The following SHANK2 variants were observed in gnomAD, a reference collection of about 807,000 sequenced individuals.
SHANK2 encodes SH3 and multiple ankyrin repeat domains protein 2.
A neutral mutation model predicts 133.7 loss-of-function variants in SHANK2; 43 were observed. The ratio of observed to expected loss-of-function variants is 0.32; its 90% CI spans 0.25 to 0.41. The LOEUF is 0.41. Ranked by LOEUF, SHANK2 falls within the 10% of genes least tolerant of loss-of-function variation. The pLI is 1.00. For missense variants in SHANK2, 1,994 were observed against 2,235.8 expected (o/e 0.89, Z 2.18); for synonymous variants, 1,017 against 952.8 (o/e 1.07, Z -1.24).
Position 70,707,372 on chromosome 11 carries a change from C to CAA in SHANK2, c.1778-8611_1778-8610dup, listed in dbSNP as rs1172194976. On this transcript the variant is annotated intron_variant, in intron 14 of 25. Transcript: ENST00000601538. ...GGGCGACAGAGTGAAAACTCCATCTCAAAAAAAAAAAAAAAAAAAAAAAAA... is the reference window on the plus strand; with the variant it reads ...GGGCGACAGAGTGAAAACTCCATCTCAAAAAAAAAAAAAAAAAAAAAAAAAAA... 5.0e-3 allele frequency among the ~76,000 whole-genome samples: 287 copies of CAA among 57,248 alleles called. 2 individuals are homozygous for CAA. Among genetic ancestry groups the CAA allele is most frequent in the Middle Eastern group, 0.014 (1 of 74 alleles). 37.6% of individuals were successfully genotyped at this position (57,248 alleles called of 152,430 possible).
intron 1 of SHANK2, among the ~76,000 whole-genome samples, chr11:71,236,867 C>T (rs187312882): frequency 7.9e-5 from 12 of 152,286 alleles, no homozygotes; most frequent in African/African-American, 2.4e-4. Flanking sequence ...CATCTCAAAA[C>T]AAACAAATAA....
At chr11:70,769,955 C>T (rs1555042315) in intron 14 of SHANK2, among the ~76,000 whole-genome samples, 1 of 152,176 alleles carries the variant, frequency 6.6e-6, no homozygotes, top group Admixed American at 6.5e-5. Context: ...GGGTGGGCAT[C>T]CATCATCTTC....
chr11:70,849,262 A>G (rs1949047610), intron 11 of SHANK2, among the ~76,000 whole-genome samples: 1 of 152,208 alleles, frequency 6.6e-6, no homozygotes, highest in African/African-American at 2.4e-5. Context: ...CCTGGGCAAC[A>G]CAGTGAGACC....
intron 8 of SHANK2, among the ~76,000 whole-genome samples, chr11:71,085,794 G>T (rs1386277409): frequency 0.98 from 31,838 of 32,498 alleles, 15,589 homozygotes; most frequent in Middle Eastern, 1. Flanking sequence ...TATAATATAT[G>T]ATACAACATA....
At chr11:70,870,237 T>G (rs551559115) in intron 11 of SHANK2, among the ~76,000 whole-genome samples, 1 of 152,100 alleles carries the variant, frequency 6.6e-6, no homozygotes, top group South Asian at 2.1e-4. Flanking sequence ...CTGAGAGAAA[T>G]GAACCCGGGG....
chr11:70,683,322 C>G (rs1407278934), intron 15 of SHANK2, among the ~76,000 whole-genome samples: 6 of 152,218 alleles, frequency 3.9e-5, no homozygotes, highest in African/African-American at 1.2e-4. Flanking sequence ...GGCCAGCTCT[C>G]ACCTCAGCGA....
intron 10 of SHANK2, among the ~76,000 whole-genome samples, chr11:70,898,020 T>A (rs1224963668): frequency 6.7e-6 from 1 of 149,316 alleles, no homozygotes; most frequent in Non-Finnish European, 1.5e-5. Flanking sequence ...TGGAGTGCAG[T>A]GATGTGATCT....
In SHANK2 at chr11:70,777,766, G is replaced by C. The variant is rs183450430; in HGVS notation, c.1777+20677C>G. On this transcript the variant is annotated intron_variant, in intron 14 of 25. Transcript: ENST00000601538. Reference sequence around the variant, plus strand: ...TGCACCATTTGCACTTATTAAATCTGCTCCAACACGAGGTTCCTGATCCCA... The same window carrying C: ...TGCACCATTTGCACTTATTAAATCTCCTCCAACACGAGGTTCCTGATCCCA... Among the ~76,000 whole-genome samples the C allele has an allele frequency of 2.6e-5, 4 of 152,286 alleles. No homozygotes were observed. In the East Asian group the frequency reaches 7.7e-4, roughly 29 times the overall value.
intron 17 of SHANK2, among the ~76,000 whole-genome samples, chr11:70,584,111 C>T (rs1051355120): frequency 1.3e-5 from 2 of 152,228 alleles, no homozygotes; most frequent in Non-Finnish European, 2.9e-5. Flanking sequence ...CTCGGGTCTA[C>T]CTGCCAGCGC....
intron 2 of SHANK2, among the ~76,000 whole-genome samples, chr11:71,165,276 C>T (rs544527207): frequency 1.3e-4 from 20 of 152,276 alleles, no homozygotes; most frequent in South Asian, 8.3e-4. Context: ...TCAAGCCATC[C>T]GCCCGCCTTG....
intron 14 of SHANK2, among the ~76,000 whole-genome samples, chr11:70,737,174 G>T (rs1418363424): frequency 6.6e-6 from 1 of 152,190 alleles, no homozygotes; most frequent in Non-Finnish European, 1.5e-5. Context: ...CTCACAGGCT[G>T]GGTGCAGCCC....
chr11:70,883,229 A>C (rs975214555), intron 11 of SHANK2, among the ~76,000 whole-genome samples: 17 of 152,156 alleles, frequency 1.1e-4, no homozygotes, highest in Admixed American at 1.0e-3. Flanking sequence ...CCTGGCTCTG[A>C]AAGGGCTGAA....
At chr11:71,104,656 G>A (rs570420918) in intron 6 of SHANK2, among the ~76,000 whole-genome samples, 40 of 152,230 alleles carry the variant, frequency 2.6e-4, no homozygotes, top group African/African-American at 9.1e-4. Flanking sequence ...CACCCACCCT[G>A]GTTCACTTTT....
At chr11:70,899,849 G>A (rs1008895100) in intron 10 of SHANK2, among the ~76,000 whole-genome samples, 6 of 152,222 alleles carry the variant, frequency 3.9e-5, no homozygotes, top group African/African-American at 1.4e-4. Context: ...GCGGACTGGC[G>A]GAGGGATGCG....
intron 10 of SHANK2, among the ~76,000 whole-genome samples, chr11:70,938,622 C>A (rs1421264097): frequency 6.6e-6 from 1 of 152,188 alleles, no homozygotes; most frequent in African/African-American, 2.4e-5. Flanking sequence ...GCAGTCCCTG[C>A]CCTTTGGAAA....
chr11:70,718,902 A>T (rs1248220224), intron 14 of SHANK2, among the ~76,000 whole-genome samples: 1 of 152,182 alleles, frequency 6.6e-6, no homozygotes, highest in Non-Finnish European at 1.5e-5. Context: ...TTTGCCGGTC[A>T]CTGGCGCTAT....
In SHANK2 at chr11:70,479,194, C is replaced by T. The variant is rs1420803021; in HGVS notation, c.4980-5755G>A. Among the ~76,000 whole-genome samples, 2 of 152,212 alleles carry T rather than the reference C, an allele frequency of 1.3e-5. No homozygotes were observed. The highest frequency in any genetic ancestry group is 4.8e-5 in the African/African-American group (2 of 41,444). ...GTCACATTCACTTTTCCATCAGGGC[C>T]TGGAAACCCTCAAACCACCTAGTGG... On this transcript the variant is annotated intron_variant, in intron 25 of 25. Coordinates refer to ENST00000601538, the MANE Select transcript of SHANK2 (RefSeq NM_012309.5). This position sits in a 1 kb window ranked among gnomAD's most constrained non-coding sequence, Gnocchi z 4.4.
intron 10 of SHANK2, among the ~76,000 whole-genome samples, chr11:70,948,666 G>A (rs1009213407): frequency 1.3e-5 from 2 of 152,222 alleles, no homozygotes; most frequent in Non-Finnish European, 2.9e-5. Context: ...GACCAGGGGC[G>A]GGCTGCAGGG....
At chr11:70,909,274 G>A (rs182799761) in intron 10 of SHANK2, among the ~76,000 whole-genome samples, 10 of 152,320 alleles carry the variant, frequency 6.6e-5, no homozygotes, top group South Asian at 4.1e-4. Context: ...CTAGAAAGGC[G>A]TGAGCCCACA....
Sources: gnomAD v4.1 joint callset for allele counts (sites outside exome capture counted in the v4.1 genomes callset) on GRCh38, gnomAD v4.1.1 for gene constraint, Gnocchi (gnomAD v3.1) non-coding constraint, MANE v1.5 for transcripts, NCBI Gene and HGNC (gene_info 2026-07-23, HGNC 2026-07-21) for gene names.